The following PTPRT variants were observed in gnomAD, a reference collection of about 807,000 sequenced individuals.
The protein encoded by PTPRT is receptor-type tyrosine-protein phosphatase T.
PTPRT carries 56 observed loss-of-function variants against 176.8 expected under a neutral mutation model. The observed-to-expected ratio is 0.32, with a 90% confidence interval of 0.26 to 0.40. The LOEUF (loss-of-function observed/expected upper bound fraction) is 0.40. Among genes scored for constraint, PTPRT ranks in the 10% least tolerant of loss-of-function variants. The pLI is 1.00. For synonymous variants in PTPRT, 783 were observed against 739.0 expected (o/e 1.06, Z -0.96); for missense variants, 1,540 against 1,908.2 (o/e 0.81, Z 3.60).
chr20:42,998,375 C>G (rs1160003208), intron 1 of PTPRT, among the ~76,000 whole-genome samples: 1 of 152,112 alleles, frequency 6.6e-6, no homozygotes, highest in Non-Finnish European at 1.5e-5. Context: ...AGATATGCAG[C>G]ACCCTGGCAA....
intron 11 of PTPRT, among the ~76,000 whole-genome samples, chr20:42,345,014 A>G (rs534625490): frequency 6.6e-6 from 1 of 152,140 alleles, no homozygotes; most frequent in East Asian, 1.9e-4. Context: ...TTCTGAGCTC[A>G]CCATTCTACC....
chr20:42,714,446 TA>T (rs2076193448), intron 6 of PTPRT, among the ~76,000 whole-genome samples: 1 of 152,116 alleles, frequency 6.6e-6, no homozygotes, highest in Non-Finnish European at 1.5e-5. Flanking sequence ...AATACAACTA[TA>T]AACAGGATAC....
intron 2 of PTPRT, among the ~76,000 whole-genome samples, chr20:42,823,385 T>C (rs1018090175): frequency 6.6e-6 from 1 of 151,952 alleles, no homozygotes; most frequent in Non-Finnish European, 1.5e-5. Flanking sequence ...CAGGGCCTGT[T>C]GAGGGGTGGC....
At position 42,350,229 on chromosome 20, in the gene PTPRT, T is replaced by TGTTTG. The variant is rs760600952; in HGVS notation, c.1865+398_1865+399insCAAAC. On this transcript the variant is annotated intron_variant, in intron 11 of 30. Transcript: ENST00000373187. The stretch of plus-strand genomic sequence containing the variant: ...GATGTTTCTTGTTTTTTTTTTTTTT[T>TGTTTG]TTTTTTTTTTTTTTTTTGAGACAGG... Among the ~76,000 whole-genome samples, 25 of 96,136 alleles carry TGTTTG rather than the reference T, an allele frequency of 2.6e-4. No individual in the cohort carries two copies. The South Asian group carries it at 8.7e-3, about 33-fold the overall frequency. The allele number at this position is 96,136 out of a possible 152,430, so 63.1% of individuals were successfully genotyped here.
At chr20:42,417,424 C>T (rs1480594320) in intron 9 of PTPRT, among the ~76,000 whole-genome samples, 10 of 151,936 alleles carry the variant, frequency 6.6e-5, no homozygotes, top group South Asian at 2.1e-4. Flanking sequence ...TGCCTTGTTT[C>T]GTTGTTTCCC....
chr20:42,577,569 T>C (rs2073283174), intron 7 of PTPRT, among the ~76,000 whole-genome samples: 1 of 152,164 alleles, frequency 6.6e-6, no homozygotes, highest in Non-Finnish European at 1.5e-5. Context: ...TTAATGAAAC[T>C]GCTTCAAAGA....
intron 13 of PTPRT, among the ~76,000 whole-genome samples, chr20:42,275,726 T>G (rs1369307465): frequency 6.6e-6 from 1 of 152,232 alleles, no homozygotes; most frequent in Non-Finnish European, 1.5e-5. Context: ...GATATAGTTC[T>G]CTTCCTCCAA....
chr20:42,610,781 C>T (rs2073962756), intron 7 of PTPRT, among the ~76,000 whole-genome samples: 1 of 152,142 alleles, frequency 6.6e-6, no homozygotes, highest in African/African-American at 2.4e-5. Context: ...AGTTATGCAG[C>T]CATCATTGTA....
At chr20:42,779,849 G>T (rs932374204) in intron 4 of PTPRT, among the ~76,000 whole-genome samples, 3 of 146,278 alleles carry the variant, frequency 2.1e-5, no homozygotes, top group Non-Finnish European at 4.5e-5. Flanking sequence ...GTGGTGGTGT[G>T]TTTTTTTTTT....
rs1391341655 is a variant in PTPRT at position 43,052,087 on chromosome 20, A to C, written c.88+137559T>G. 2.0e-5 allele frequency among the ~76,000 whole-genome samples: 3 copies of C among 152,364 alleles called. No homozygotes were observed. In the East Asian group the frequency reaches 5.8e-4, roughly 29 times the overall value. ...TAATAAAAGATGAGTTGGACACAGC[A>C]CATGTAATAGAAGAATCCTGGGCTC... On this transcript the variant is annotated intron_variant, in intron 1 of 30. Coordinates refer to ENST00000373187, the MANE Select transcript of PTPRT (RefSeq NM_007050.6).
intron 7 of PTPRT, among the ~76,000 whole-genome samples, chr20:42,655,771 T>C (rs1159070844): frequency 6.6e-6 from 1 of 152,182 alleles, no homozygotes; most frequent in African/African-American, 2.4e-5. Flanking sequence ...GTTTACCAAA[T>C]TGGAGTAGCT....
chr20:42,269,964 C>T lies in PTPRT; in HGVS notation c.2176+12525G>A, dbSNP rs1047626534. On this transcript the variant is annotated intron_variant, in intron 13 of 30. Coordinates refer to ENST00000373187, the MANE Select transcript of PTPRT (RefSeq NM_007050.6). ...CTGTCGCTTCCCCTGTGAAGCACTCCTTTGGCTGCACATGGGTTTGTTTAT... is the reference window on the plus strand; with the variant it reads ...CTGTCGCTTCCCCTGTGAAGCACTCTTTTGGCTGCACATGGGTTTGTTTAT... Among the ~76,000 whole-genome samples the T allele has an allele frequency of 5.9e-5, 9 of 152,172 alleles. 1 individual carries two copies. The highest frequency in any genetic ancestry group is 3.9e-4 in the Admixed American group (6 of 15,284).
At chr20:42,860,914 A>G (rs1183492044) in intron 2 of PTPRT, among the ~76,000 whole-genome samples, 1 of 152,220 alleles carries the variant, frequency 6.6e-6, no homozygotes, top group East Asian at 1.9e-4. Flanking sequence ...TTTTTAGGAT[A>G]TCAGTTGTTA....
intron 1 of PTPRT, among the ~76,000 whole-genome samples, chr20:42,952,317 A>T (rs936148084): frequency 2.6e-5 from 4 of 152,240 alleles, no homozygotes; most frequent in African/African-American, 9.6e-5. Context: ...AGGGCTGCAT[A>T]AACTAGGATT....
intron 12 of PTPRT, among the ~76,000 whole-genome samples, chr20:42,283,581 G>A (rs752719193): frequency 6.6e-5 from 10 of 152,128 alleles, no homozygotes; most frequent in South Asian, 2.1e-4. Flanking sequence ...TCTAAGGGGT[G>A]AGATTGGGGG....
At chr20:42,110,225 T>TTTC in intron 23 of PTPRT, 108 bp downstream of exon 23, 1 of 1,055,432 alleles carries the variant, frequency 9.5e-7, no homozygotes, top group Non-Finnish European at 1.3e-6. Context: ...TTTTTGTATC[T>TTTC]TTCTTTAGTA....
intron 1 of PTPRT, among the ~76,000 whole-genome samples, chr20:43,177,801 A>G (rs1040565500): frequency 2.6e-5 from 4 of 152,244 alleles, no homozygotes; most frequent in African/African-American, 9.6e-5. Context: ...TGGCCCCGTT[A>G]CAGTTTTAAA....
At chr20:42,379,068 G>C (rs1426240308) in intron 9 of PTPRT, among the ~76,000 whole-genome samples, 1 of 152,140 alleles carries the variant, frequency 6.6e-6, no homozygotes, top group Non-Finnish European at 1.5e-5. Flanking sequence ...ATTTCGTTTT[G>C]AACATGTAAG....
intron 15 of PTPRT, among the ~76,000 whole-genome samples, chr20:42,221,586 G>T (rs990273599): frequency 6.6e-6 from 1 of 151,592 alleles, no homozygotes; most frequent in East Asian, 1.9e-4. Flanking sequence ...TAGTGCAGCG[G>T]CATGATCTCC....
Sources: gnomAD v4.1 joint callset for allele counts (sites outside exome capture counted in the v4.1 genomes callset) on GRCh38, gnomAD v4.1.1 for gene constraint, MANE v1.5 for transcripts, NCBI Gene and HGNC (gene_info 2026-07-23, HGNC 2026-07-21) for gene names.